Variants in WDR27 observed in about 807,000 individuals in gnomAD.
WDR27 encodes the protein WD repeat-containing protein 27.
A neutral mutation model predicts 114.4 loss-of-function variants in WDR27; 100 were observed. The observed-to-expected ratio is 0.87, with a 90% CI of 0.74 to 1.03. WDR27 has a LOEUF of 1.03. WDR27 is among the 50% of genes least tolerant of loss of function. The pLI is 0.00. For missense variants in WDR27, 1,129 were observed against 1,092.9 expected, an observed-to-expected ratio of 1.03 and a Z score of -0.47; for synonymous variants, 449 against 423.1, an observed-to-expected ratio of 1.06 and a Z score of -0.75.
intron 21 of WDR27, among the ~76,000 whole-genome samples, chr6:169,622,635 T>C (rs1334490598): frequency 6.6e-6 from 1 of 152,168 alleles, no homozygotes; most frequent in African/African-American, 2.4e-5. Flanking sequence ...TAACATAAAA[T>C]CTATTATTCA....
intron 17 of WDR27, among the ~76,000 whole-genome samples, chr6:169,640,299 C>T (rs981484616): frequency 3.3e-5 from 5 of 152,210 alleles, no homozygotes; most frequent in Admixed American, 3.3e-4. Context: ...CTCACTACAT[C>T]ACATCTGTCA....
chr6:169,555,165 T>C (rs1354092470), intron 25 of WDR27, among the ~76,000 whole-genome samples: 2 of 152,232 alleles, frequency 1.3e-5, no homozygotes, highest in Non-Finnish European at 2.9e-5. Context: ...TACAATGTGA[T>C]GCCCGGGTCC....
At chr6:169,687,273 T>C (rs1783242424) in intron 2 of WDR27, among the ~76,000 whole-genome samples, 1 of 152,106 alleles carries the variant, frequency 6.6e-6, no homozygotes, top group Non-Finnish European at 1.5e-5. Flanking sequence ...AACTATTACA[T>C]GTCAATAAAA....
chr6:169,445,909 G>A, the WDR27 span, among the ~76,000 whole-genome samples: 1 of 152,248 alleles, frequency 6.6e-6, no homozygotes, highest in Non-Finnish European at 1.5e-5. Flanking sequence ...GTGGGGTGGG[G>A]GGAGGCAGGC....
intron 25 of WDR27, among the ~76,000 whole-genome samples, chr6:169,503,442 C>T (rs1422857665): frequency 6.6e-6 from 1 of 152,190 alleles, no homozygotes; most frequent in Non-Finnish European, 1.5e-5. Flanking sequence ...TGACCTATCC[C>T]TCACCCGTAC....
chr6:169,457,478 AT>A lies in WDR27; in HGVS notation c.*113del. ...GGGGAAATCTGAGGCAAGTCTCAAA[AT>A]ATGAAAAACAGTTGCTGCTTCTGGC... On this transcript the variant is annotated 3_prime_UTR_variant, in exon 26 of 26. Coordinates refer to ENST00000448612, the MANE Select transcript of WDR27 (RefSeq NM_182552.5). 1 of 894,394 alleles carries A rather than the reference AT, an allele frequency of 1.1e-6. No homozygotes were observed. The allele number at this position is 894,394 out of a possible 1,614,324, so 55.4% of individuals were successfully genotyped here. A position where few individuals can be genotyped will look rare whatever the true frequency, so the allele number is the denominator to read the frequency against.
intron 8 of WDR27, among the ~76,000 whole-genome samples, chr6:169,662,727 CGCGG>C (rs1826626894): frequency 7.7e-6 from 1 of 129,514 alleles, no homozygotes; most frequent in Non-Finnish European, 1.6e-5. Flanking sequence ...GCGTGTGCAC[CGCGG>C]AGTACTCAGA....
chr6:169,547,163 T>C lies in WDR27; in HGVS notation c.2645+25256A>G, dbSNP rs529259391. On this transcript the variant is annotated intron_variant, in intron 25 of 25. Transcript: ENST00000448612. ...AATCTAAATAAGACTATATCCAAAATTGAATCAATAATTAATAACTTCTCA... is the reference window on the plus strand; with the variant it reads ...AATCTAAATAAGACTATATCCAAAACTGAATCAATAATTAATAACTTCTCA... Among the ~76,000 whole-genome samples, 5 of 152,212 alleles carry C rather than the reference T, an allele frequency of 3.3e-5. No individual in the cohort carries two copies. The East Asian group carries it at 9.6e-4, about 29-fold the overall frequency.
chr6:169,665,124 G>A lies in WDR27; in HGVS notation c.783+362C>T, dbSNP rs201515402. The A allele has an allele frequency of 2.2e-5, 22 of 1,004,428 alleles. 1 individual carries two copies. The South Asian group carries it at 8.0e-4, about 37-fold the overall frequency. The allele number at this position is 1,004,428 out of a possible 1,614,324, so 62.2% of individuals were successfully genotyped here. ...GCACGGGGGATGCCACACAGGAGCC[G>A]TCCAGGGCGCCTCTCCGGGGCGCGG... On this transcript the variant is annotated intron_variant, in intron 7 of 25. Coordinates refer to ENST00000448612, the MANE Select transcript of WDR27 (RefSeq NM_182552.5).
At chr6:169,545,436 C>G (rs1797343448) in intron 25 of WDR27, among the ~76,000 whole-genome samples, 1 of 152,212 alleles carries the variant, frequency 6.6e-6, no homozygotes, top group Non-Finnish European at 1.5e-5. Flanking sequence ...TGGCTCACAC[C>G]TGTAATCCTA....
intron 24 of WDR27, among the ~76,000 whole-genome samples, chr6:169,572,974 T>C (rs1293850038): frequency 6.6e-6 from 1 of 152,168 alleles, no homozygotes; most frequent in Non-Finnish European, 1.5e-5. Flanking sequence ...GTTTCTGCCT[T>C]TCCTGCATGT....
At position 169,482,529 on chromosome 6, in the gene WDR27, C is replaced by A. The variant is rs543611828; in HGVS notation, c.2646-24895G>T. Among the ~76,000 whole-genome samples the A allele has an allele frequency of 1.1e-3, 173 of 152,228 alleles. No individual in the cohort carries two copies. The Middle Eastern group carries it at 0.02, about 18-fold the overall frequency. ...CTCTTATAATCAGTGATGCTGAGCACAAAGCAAGTTCTTAGAGACCTTCAA... is the reference window on the plus strand; with the variant it reads ...CTCTTATAATCAGTGATGCTGAGCAAAAAGCAAGTTCTTAGAGACCTTCAA... On this transcript the variant is annotated intron_variant, in intron 25 of 25. Transcript: ENST00000448612.
chr6:169,609,094 G>GGC (rs1562685907), intron 22 of WDR27, among the ~76,000 whole-genome samples: 2 of 151,842 alleles, frequency 1.3e-5, no homozygotes, highest in Non-Finnish European at 1.5e-5. Flanking sequence ...TCCCATGGTC[G>GGC]TGGGCAGCTC....
At chr6:169,504,634 G>T (rs867333253) in intron 25 of WDR27, among the ~76,000 whole-genome samples, 4 of 151,986 alleles carry the variant, frequency 2.6e-5, no homozygotes, top group Admixed American at 6.6e-5. Flanking sequence ...TTTGAGACAG[G>T]GTCTCACTCT....
chr6:169,658,935 C>T, intron 12 of WDR27, 151 bp downstream of exon 12: 1 of 1,031,248 alleles, frequency 9.7e-7, no homozygotes, highest in South Asian at 2.6e-5. Flanking sequence ...GATCCACCCG[C>T]CTCGGCCTCC....
intron 21 of WDR27, among the ~76,000 whole-genome samples, chr6:169,626,300 C>T (rs1239866578): frequency 6.6e-6 from 1 of 152,148 alleles, no homozygotes; most frequent in Non-Finnish European, 1.5e-5. Flanking sequence ...TGCACACCCA[C>T]AGAGGGTGAC....
At position 169,568,443 on chromosome 6, in the gene WDR27, G is replaced by C. The variant is rs374601792; in HGVS notation, c.2645+3976C>G. 1.8e-4 allele frequency among the ~76,000 whole-genome samples: 27 copies of C among 152,246 alleles called. No individual in the cohort carries two copies. The East Asian group carries it at 2.7e-3, about 15-fold the overall frequency. On this transcript the variant is annotated intron_variant, in intron 25 of 25. Transcript: ENST00000448612. ...CTGAAATGAGACAGCCATGCCCAGG[G>C]AGTAAGGACACAAGCTCACTCTTCA...
intron 25 of WDR27, among the ~76,000 whole-genome samples, chr6:169,501,019 C>A (rs928706879): frequency 2.6e-5 from 4 of 152,220 alleles, no homozygotes; most frequent in Non-Finnish European, 4.4e-5. Context: ...CTCCTTGCCA[C>A]CAAGGCTCCA....
At chr6:169,562,906 A>G (rs1569586) in intron 25 of WDR27, among the ~76,000 whole-genome samples, 87,456 of 151,866 alleles carry the variant, frequency 0.58, 28,608 homozygotes, top group Non-Finnish European at 0.72. Flanking sequence ...AGTCAGGAGG[A>G]GAGGAGGCCA....
Sources: allele counts gnomAD v4.1 joint callset (sites outside exome capture counted in the v4.1 genomes callset), GRCh38; gene constraint gnomAD v4.1.1; transcripts MANE v1.5; gene names NCBI Gene and HGNC (gene_info 2026-07-23, HGNC 2026-07-21).